PPFIA4: variants seen among roughly 807,000 people sequenced by gnomAD.
PPFIA4 encodes the protein PPFI scaffold protein A4, also known as liprin-alpha-4.
Under a neutral mutation model 145.7 loss-of-function variants are expected in PPFIA4, and 98 were observed. The ratio of observed to expected loss-of-function variants is 0.67; its 90% CI spans 0.57 to 0.80. The LOEUF (loss-of-function observed/expected upper bound fraction) is 0.80, where lower values mean the gene tolerates loss of function less well. PPFIA4 is among the 30% of genes least tolerant of loss of function. The pLI is 0.00. For synonymous variants in PPFIA4, 628 were observed against 649.6 expected (o/e 0.97, Z 0.51); for missense variants, 1,457 against 1,632.7 (o/e 0.89, Z 1.85).
rs1660715703 is a variant in PPFIA4, at chr1:203,053,883, C to T, written c.1751C>T (p.Ser584Phe). The T allele has an allele frequency of 6.4e-7, 1 of 1,561,976 alleles. No homozygotes were observed. The highest frequency in any genetic ancestry group is 8.7e-7 in the Non-Finnish European group (1 of 1,152,630). ...CTGGTGGGCTCTGCGGATGTTGTCT[C>T]CCCCAGCGGCCACTCAGATGCCCAG... ...GGLVGSADVV[S>F]PSGHSDAQTL... The change falls in exon 15 of 30, where the codon TCC (serine) becomes TTC (phenylalanine). Residue 584 changes from serine (S) to phenylalanine (F), a missense_variant. This residue lies in a region of PPFIA4 where 848 missense variants were observed against 1,046.7 expected (regional missense o/e 0.81). Transcript: ENST00000295706.
chr1:203,060,978 G>A lies in PPFIA4; in HGVS notation c.2793G>A (p.Gly931=). ...TTCCTCTCTGCCTGCAGTCTTCTGGGAATGTCTGGGTCACCCATGAAGAGA... is the reference window on the plus strand; with the variant it reads ...TTCCTCTCTGCCTGCAGTCTTCTGGAAATGTCTGGGTCACCCATGAAGAGA... ...SAPPTSRTSS[G]NVWVTHEEME... is the part of the protein sequence containing the mutation. Residue 931 remains glycine (G), a synonymous_variant, in exon 23 of 30, where the codon GGG becomes GGA. Transcript: ENST00000295706. The surrounding 1 kb of genome is among the most constrained non-coding windows in gnomAD (Gnocchi z 4.8). The A allele has an allele frequency of 6.2e-7, 1 of 1,614,006 alleles. No individual in the cohort carries two copies. Among genetic ancestry groups the A allele is most frequent in the Non-Finnish European group, 8.5e-7 (1 of 1,179,880 alleles).
In PPFIA4 at chr1:203,068,205, C is replaced by T. The variant is rs776993166; in HGVS notation, c.3149-248C>T. ...CCGTGCAAGGGTTCTGGGGAGAAAG[C>T]TTGGAGCCTGTTGGCCTGACCCCGG... On this transcript the variant is annotated intron_variant, in intron 26 of 29. Coordinates refer to ENST00000295706, the MANE Select transcript of PPFIA4 (RefSeq NM_001304331.2). The surrounding 1 kb of genome is among the most constrained non-coding windows in gnomAD (Gnocchi z 4.7). 5.9e-5 allele frequency among the ~76,000 whole-genome samples: 9 copies of T among 152,162 alleles called. No individual in the cohort carries two copies. The highest frequency in any genetic ancestry group is 1.3e-4 in the Non-Finnish European group (9 of 68,028).
chr1:203,054,699 CACAT>C (rs768296650), intron 15 of PPFIA4, among the ~76,000 whole-genome samples: 50 of 146,354 alleles, frequency 3.4e-4, no homozygotes, highest in African/African-American at 1.1e-3. Context: ...CACACACACA[CACAT>C]ACACACACAG....
chr1:203,034,858 C>G (rs1389723266), intron 1 of PPFIA4: 1 of 359,326 alleles, frequency 2.8e-6, no homozygotes, highest in African/African-American at 2.1e-5. Flanking sequence ...CCTTCTACCC[C>G]TCTTTGGCAT....
intron 1 of PPFIA4, chr1:203,035,496 C>G: frequency 3.2e-6 from 1 of 310,590 alleles, no homozygotes; most frequent in Non-Finnish European, 6.7e-6. Flanking sequence ...TGTCCAATCC[C>G]CCACCCCCAC....
chr1:203,028,749 AG>A (rs1038848059), intron 1 of PPFIA4, among the ~76,000 whole-genome samples: 2 of 151,888 alleles, frequency 1.3e-5, no homozygotes, highest in African/African-American at 2.4e-5. Context: ...GCTGCCTCAA[AG>A]TCTGGGTCCT....
chr1:203,064,343 T>C (rs1318714409), intron 25 of PPFIA4, among the ~76,000 whole-genome samples: 2 of 152,244 alleles, frequency 1.3e-5, no homozygotes, highest in Middle Eastern at 3.2e-3. Flanking sequence ...CTGAATTTGC[T>C]GTGTTTACCT....
At chr1:203,053,668 G>T in intron 14 of PPFIA4, 85 bp from the exon 15 acceptor site, 1 of 1,139,686 alleles carries the variant, frequency 8.8e-7, no homozygotes, top group South Asian at 1.4e-5. Flanking sequence ...AGATGCCAGT[G>T]CTGGTGGGTA....
intron 12 of PPFIA4, 85 bp downstream of exon 12, chr1:203,049,065 C>G: frequency 1.6e-6 from 2 of 1,281,530 alleles, no homozygotes; most frequent in East Asian, 5.1e-5. Context: ...CGCTGCTGCT[C>G]TGATACCTGG....
intron 1 of PPFIA4, among the ~76,000 whole-genome samples, chr1:203,027,132 G>T (rs1002900435): frequency 6.6e-6 from 1 of 152,102 alleles, no homozygotes; most frequent in Non-Finnish European, 1.5e-5. Flanking sequence ...CGAACTGCCA[G>T]CCTCAGTCTG....
intron 27 of PPFIA4, among the ~76,000 whole-genome samples, chr1:203,069,422 AC>A (rs1661970869): frequency 6.6e-6 from 1 of 152,124 alleles, no homozygotes; most frequent in Non-Finnish European, 1.5e-5. Context: ...ACTAGTTCTC[AC>A]CTTTTATGAT....
rs770009679 is a variant in PPFIA4 at position 203,078,689 on chromosome 1, G to A, written c.*2299G>A. The A allele has an allele frequency of 6.6e-6, 1 of 151,456 alleles. No homozygotes were observed. The highest frequency in any genetic ancestry group is 2.4e-5 in the African/African-American group (1 of 40,988). 9.4% of individuals were successfully genotyped at this position (151,456 alleles called of 1,614,324 possible). A position where few individuals can be genotyped will look rare whatever the true frequency, so the allele number is the denominator to read the frequency against. ...TATGGGTGTGTGTGGGTGGGTGTGA[G>A]TGTGGGTGTGTACGTACCAATAAAC... On this transcript the variant is annotated 3_prime_UTR_variant, in exon 30 of 30. Transcript: ENST00000295706.
chr1:203,075,550 G>T lies in PPFIA4; in HGVS notation c.3394-27G>T. 7.3e-7 allele frequency: 1 copy of T among 1,371,416 alleles called. No homozygotes were observed. 85.0% of individuals were successfully genotyped at this position (1,371,416 alleles called of 1,614,324 possible). On this transcript the variant is annotated intron_variant, in intron 28 of 29. Coordinates refer to ENST00000295706, the MANE Select transcript of PPFIA4 (RefSeq NM_001304331.2). This position sits in a 1 kb window ranked among gnomAD's most constrained non-coding sequence, Gnocchi z 4.1. ...GGATGGCAATTCCAACAGGGCCCTC[G>T]GGCCTCTGGTGTCCCCCATGGTGCA...
At chr1:203,028,314 CTCCTGGGTCTCATCTCTG>C (rs1390270322) in intron 1 of PPFIA4, among the ~76,000 whole-genome samples, 3 of 152,138 alleles carry the variant, frequency 2.0e-5, no homozygotes, top group Non-Finnish European at 4.4e-5. Flanking sequence ...GGCAGCCAGG[CTCCTGGGTCTCATCTCTG>C]AGTTGATTGC....
Position 203,027,129 on chromosome 1 carries a change from C to T in PPFIA4, c.-400+500C>T, listed in dbSNP as rs560150406. On this transcript the variant is annotated intron_variant, in intron 1 of 29. Transcript: ENST00000295706. Reference sequence around the variant, plus strand: ...CGCTAGCTCTCCATTCCTCGAACTGCCAGCCTCAGTCTGTGCCAGAGATGC... The same window carrying T: ...CGCTAGCTCTCCATTCCTCGAACTGTCAGCCTCAGTCTGTGCCAGAGATGC... Among the ~76,000 whole-genome samples the T allele has an allele frequency of 2.0e-5, 3 of 152,318 alleles. No homozygotes were observed. The South Asian group carries it at 6.2e-4, about 32-fold the overall frequency.
At chr1:203,056,718 A>G (rs540964051) in intron 18 of PPFIA4, 66 bp from the exon 19 acceptor site, 13 of 1,405,220 alleles carry the variant, frequency 9.3e-6, no homozygotes, top group African/African-American at 4.3e-5. Context: ...TCTAACTTCC[A>G]TCTTTCCTGC....
intron 1 of PPFIA4, among the ~76,000 whole-genome samples, chr1:203,028,991 GC>G (rs1350564836): frequency 1.3e-5 from 2 of 152,114 alleles, no homozygotes; most frequent in Non-Finnish European, 2.9e-5. Context: ...TGTGGAAGGG[GC>G]TGCTTCTAGG....
At chr1:203,062,692 CA>C (rs1661477780) in intron 24 of PPFIA4, among the ~76,000 whole-genome samples, 1 of 151,836 alleles carries the variant, frequency 6.6e-6, no homozygotes. Flanking sequence ...GGATCCGAGC[CA>C]TAGGGTGTGA....
chr1:203,045,151 C>G (rs1251792759), intron 6 of PPFIA4, among the ~76,000 whole-genome samples: 1 of 152,162 alleles, frequency 6.6e-6, no homozygotes, highest in African/African-American at 2.4e-5. Flanking sequence ...AACTTGTTTT[C>G]AAGAGAGACA....
Sources: gnomAD v4.1 joint callset for allele counts (sites outside exome capture counted in the v4.1 genomes callset) on GRCh38, gnomAD v4.1.1 for gene constraint, gnomAD v4.1.1 regional missense constraint, Gnocchi (gnomAD v3.1) non-coding constraint, MANE v1.5 for transcripts, NCBI Gene and HGNC (gene_info 2026-07-23, HGNC 2026-07-21) for gene names.